Variants in MARCHF1 observed in about 807,000 individuals in gnomAD.
MARCHF1 encodes the protein membrane associated ring-CH-type finger 1.
Under a neutral mutation model 54.2 loss-of-function variants are expected in MARCHF1, and 40 were observed. The observed-to-expected ratio is 0.74, with a 90% confidence interval of 0.57 to 0.96. MARCHF1 has a LOEUF of 0.96. MARCHF1 is among the 40% of genes least tolerant of loss of function. The pLI, the probability that MARCHF1 is intolerant of heterozygous loss-of-function variation, is 0.00. For synonymous variants in MARCHF1, 236 were observed against 236.3 expected (o/e 1.00, Z 0.01); for missense variants, 586 against 656.5 (o/e 0.89, Z 1.17).
chr4:164,147,599 A>T (rs1395818095), intron 1 of MARCHF1, among the ~76,000 whole-genome samples: 1 of 143,542 alleles, frequency 7.0e-6, no homozygotes, highest in Non-Finnish European at 1.5e-5. Context: ...GCATATTCTC[A>T]CTCATAGGTG....
intron 1 of MARCHF1, among the ~76,000 whole-genome samples, chr4:164,231,103 G>C (rs548575676): frequency 1.3e-5 from 2 of 152,228 alleles, no homozygotes; most frequent in African/African-American, 4.8e-5. Context: ...GAAAAGAACT[G>C]ATGTATTTTC....
At chr4:163,700,907 A>G (rs1166411110) in intron 4 of MARCHF1, 44 bp from the exon 5 acceptor site, 2 of 1,321,556 alleles carry the variant, frequency 1.5e-6, no homozygotes, top group Non-Finnish European at 2.1e-6. Context: ...AAGGTATGGT[A>G]CTTTCACCAT....
chr4:164,344,604 G>A (rs926613278), intron 1 of MARCHF1, among the ~76,000 whole-genome samples: 1 of 152,024 alleles, frequency 6.6e-6, no homozygotes, highest in African/African-American at 2.4e-5. Context: ...TTGGGTAAGT[G>A]AAACCAAGTG....
chr4:163,771,637 A>G (rs1747164335), intron 4 of MARCHF1, among the ~76,000 whole-genome samples: 1 of 152,140 alleles, frequency 6.6e-6, no homozygotes, highest in Non-Finnish European at 1.5e-5. Flanking sequence ...CTGTCTCCTA[A>G]TATCATCACC....
chr4:164,081,238 G>A (rs866257713), intron 2 of MARCHF1, among the ~76,000 whole-genome samples: 11,976 of 59,802 alleles, frequency 0.2, 2 homozygotes, highest in Non-Finnish European at 0.27. Context: ...AAAAAAAAAA[G>A]AAATATTATT....
At chr4:163,669,170 C>T (rs1343078485) in intron 5 of MARCHF1, among the ~76,000 whole-genome samples, 1 of 152,090 alleles carries the variant, frequency 6.6e-6, no homozygotes, top group Non-Finnish European at 1.5e-5. Context: ...ATTGGTCTTT[C>T]TTTTTCTGAG....
At position 163,841,470 on chromosome 4, in the gene MARCHF1, A is replaced by G. The variant is rs533169656; in HGVS notation, c.111+12551T>C. Among the ~76,000 whole-genome samples the G allele has an allele frequency of 1.2e-4, 14 of 118,946 alleles. No individual in the cohort carries two copies. The East Asian group carries it at 3.5e-3, about 30-fold the overall frequency. The allele number at this position is 118,946 out of a possible 152,430, so 78.0% of individuals were successfully genotyped here. A position where few individuals can be genotyped will look rare whatever the true frequency, so the allele number is the denominator to read the frequency against. On this transcript the variant is annotated intron_variant, in intron 4 of 9. Transcript: ENST00000514618. ...CTATTTTTTTTAAAAAAAGAATACG[A>G]GCCAGTAGCAGTGGAGCCTAAATAT...
intron 2 of MARCHF1, among the ~76,000 whole-genome samples, chr4:164,003,208 T>C (rs1753219349): frequency 2.0e-5 from 3 of 151,720 alleles, no homozygotes; most frequent in Admixed American, 1.3e-4. Context: ...TAGATATTGC[T>C]AATAAGCCAA....
At chr4:164,206,782 C>T (rs11933679) in intron 1 of MARCHF1, among the ~76,000 whole-genome samples, 58,197 of 151,794 alleles carry the variant, frequency 0.38, 12,684 homozygotes, top group Non-Finnish European at 0.5. Context: ...TTCCTTATTA[C>T]GTAACTATAA....
At chr4:163,655,246 AT>A (rs1477100733) in intron 5 of MARCHF1, among the ~76,000 whole-genome samples, 1 of 151,622 alleles carries the variant, frequency 6.6e-6, no homozygotes, top group Non-Finnish European at 1.5e-5. Context: ...TTTGTATTTC[AT>A]GACATTTCGT....
At chr4:163,780,317 T>C (rs1012913675) in intron 4 of MARCHF1, among the ~76,000 whole-genome samples, 2 of 152,234 alleles carry the variant, frequency 1.3e-5, no homozygotes, top group African/African-American at 4.8e-5. Flanking sequence ...ATCAAGGGAA[T>C]CACTCTTTGC....
intron 9 of MARCHF1, among the ~76,000 whole-genome samples, chr4:163,533,693 A>ATATT (rs1222097110): frequency 4.1e-5 from 6 of 147,180 alleles, no homozygotes; most frequent in African/African-American, 1.2e-4. Flanking sequence ...ATATATATAT[A>ATATT]TATTTATATA....
intron 3 of MARCHF1, among the ~76,000 whole-genome samples, chr4:163,867,020 T>C (rs1750067233): frequency 6.6e-6 from 1 of 151,910 alleles, no homozygotes; most frequent in Non-Finnish European, 1.5e-5. Flanking sequence ...GATTGAATCA[T>C]CACTCACATG....
At chr4:163,701,393 A>G (rs1266686940) in intron 4 of MARCHF1, among the ~76,000 whole-genome samples, 1 of 152,160 alleles carries the variant, frequency 6.6e-6, no homozygotes, top group African/African-American at 2.4e-5. Context: ...TTCTGACTGT[A>G]TATGTTTCAA....
At chr4:164,225,628 C>T (rs1416180899) in intron 1 of MARCHF1, among the ~76,000 whole-genome samples, 1 of 151,948 alleles carries the variant, frequency 6.6e-6, no homozygotes, top group African/African-American at 2.4e-5. Flanking sequence ...CATTCTTGTA[C>T]TTTCCACTAC....
At chr4:164,240,504 C>T (rs534119275) in intron 1 of MARCHF1, among the ~76,000 whole-genome samples, 2 of 152,038 alleles carry the variant, frequency 1.3e-5, no homozygotes, top group Non-Finnish European at 2.9e-5. Context: ...TGGCTGTCTC[C>T]CACCATTCTA....
chr4:163,633,764 C>T lies in MARCHF1; in HGVS notation c.163-20371G>A, dbSNP rs62334286. On this transcript the variant is annotated intron_variant, in intron 5 of 9. Transcript: ENST00000514618. ...CAGAGAATGCCACAAAGATACTCCT[C>T]GAGAAGAGCAACTCCAAGACACATA... 2.0e-5 allele frequency among the ~76,000 whole-genome samples: 3 copies of T among 151,924 alleles called. No homozygotes were observed. In the East Asian group the frequency reaches 5.8e-4, roughly 29 times the overall value.
intron 1 of MARCHF1, among the ~76,000 whole-genome samples, chr4:164,242,248 G>C (rs1475305874): frequency 7.0e-6 from 1 of 143,430 alleles, no homozygotes; most frequent in African/African-American, 2.6e-5. Flanking sequence ...TTTGAAGAGA[G>C]CAGTGGTTCT....
intron 1 of MARCHF1, among the ~76,000 whole-genome samples, chr4:164,117,156 G>T (rs1755955024): frequency 1.3e-5 from 2 of 152,118 alleles, no homozygotes; most frequent in South Asian, 2.1e-4. Context: ...TACTTGGGAG[G>T]CTGAGACAGG....
Sources: gnomAD v4.1 joint callset for allele counts (sites outside exome capture counted in the v4.1 genomes callset) on GRCh38, gnomAD v4.1.1 for gene constraint, MANE v1.5 for transcripts, NCBI Gene and HGNC (gene_info 2026-07-23, HGNC 2026-07-21) for gene names.